TLK1: variants seen among roughly 807,000 people sequenced by gnomAD.
TLK1 encodes the protein serine/threonine-protein kinase tousled-like 1.
In TLK1, 24 loss-of-function variants were observed where a neutral mutation model predicts 105.3. The observed-to-expected ratio is 0.23, with a 90% confidence interval of 0.17 to 0.32. The LOEUF (loss-of-function observed/expected upper bound fraction) is 0.32. Ranked by LOEUF, TLK1 falls within the 10% of genes least tolerant of loss-of-function variation. TLK1 has a pLI of 1.00. For missense variants in TLK1, 558 were observed against 910.5 expected (o/e 0.61, Z 4.98); for synonymous variants, 321 against 310.4 (o/e 1.03, Z -0.36).
chr2:171,057,916 C>T (rs1436226015), intron 5 of TLK1, among the ~76,000 whole-genome samples: 1 of 151,916 alleles, frequency 6.6e-6, no homozygotes, highest in East Asian at 1.9e-4. Context: ...ATGTATTTTG[C>T]CTATCTTACA....
At chr2:171,165,158 A>C (rs933272390), upstream of TLK1, among the ~76,000 whole-genome samples, 1 of 152,366 alleles carries the variant, frequency 6.6e-6, no homozygotes, top group East Asian at 1.9e-4. Context: ...AGGGAAAGCC[A>C]GCTTGAGAAC....
intron 3 of TLK1, chr2:171,066,897 T>G (rs1688024223): frequency 1.3e-6 from 2 of 1,551,696 alleles, no homozygotes; most frequent in Admixed American, 2.0e-5. Context: ...GAACAACTGC[T>G]GAAGGGTGGG....
In TLK1 at chr2:171,223,027, C is replaced by A. The variant is rs1693836587; in HGVS notation, c.-6+8118G>T. ...ACGGAGTTTCACCATATTAGCCAGG[C>A]TCATTTCGAACTCCTGACCTCAAAT... On this transcript the variant is annotated intron_variant, in intron 1 of 20. Transcript: ENST00000521943. 2.6e-5 allele frequency among the ~76,000 whole-genome samples: 4 copies of A among 152,108 alleles called. 1 individual carries two copies. In the South Asian group the frequency reaches 8.3e-4, roughly 32 times the overall value.
intron 1 of TLK1, among the ~76,000 whole-genome samples, chr2:171,211,864 A>G (rs4668373): frequency 0.22 from 30,240 of 138,450 alleles, 3,232 homozygotes; most frequent in South Asian, 0.31. Context: ...TTTTTTTTTC[A>G]AGACAGAGTC....
At chr2:171,204,776 T>C (rs555609645) in intron 1 of TLK1, among the ~76,000 whole-genome samples, 4 of 152,006 alleles carry the variant, frequency 2.6e-5, no homozygotes, top group South Asian at 4.2e-4. Context: ...CTGGCTAACA[T>C]GGTGAAACCC....
intron 12 of TLK1, among the ~76,000 whole-genome samples, chr2:171,020,974 G>A (rs1388639726): frequency 6.6e-6 from 1 of 152,108 alleles, no homozygotes; most frequent in African/African-American, 2.4e-5. Flanking sequence ...TATCACCTCA[G>A]GTGTGTTCAA....
chr2:171,156,039 G>T (rs762950119), intron 1 of TLK1, among the ~76,000 whole-genome samples: 1 of 152,108 alleles, frequency 6.6e-6, no homozygotes, highest in Non-Finnish European at 1.5e-5. Flanking sequence ...AGGTCCTAGA[G>T]ACATTTTTGG....
intron 19 of TLK1, 37 bp downstream of exon 19, chr2:170,997,675 T>A (rs752449767): frequency 3.7e-6 from 5 of 1,345,256 alleles, no homozygotes; most frequent in South Asian, 3.2e-5. Flanking sequence ...ACTTAATTTA[T>A]CTCTGTAGAG....
At chr2:171,102,323 C>G (rs1410521160) in intron 2 of TLK1, among the ~76,000 whole-genome samples, 1 of 152,138 alleles carries the variant, frequency 6.6e-6, no homozygotes, top group Non-Finnish European at 1.5e-5. Context: ...TTTAATTCTT[C>G]AAATGGTTGC....
Position 171,146,842 on chromosome 2 carries a change from T to G in TLK1, c.139+13448A>C, listed in dbSNP as rs1257990763. ...ATTTCACAGCACTGGAAACAGTTGC[T>G]CAATGATCCACAAGAGAACAATGCT... On this transcript the variant is annotated intron_variant, in intron 1 of 20. Coordinates refer to ENST00000431350, the MANE Select transcript of TLK1 (RefSeq NM_012290.5). Among the ~76,000 whole-genome samples, 4 of 152,198 alleles carry G rather than the reference T, an allele frequency of 2.6e-5. No individual in the cohort carries two copies. The East Asian group carries it at 7.7e-4, about 29-fold the overall frequency.
At chr2:171,175,905 G>A (rs929020992) in intron 1 of TLK1, among the ~76,000 whole-genome samples, 2 of 151,792 alleles carry the variant, frequency 1.3e-5, no homozygotes, top group South Asian at 2.1e-4. Context: ...TGGGGCTGGA[G>A]TCAGGATATC....
intron 1 of TLK1, among the ~76,000 whole-genome samples, chr2:171,139,705 T>C (rs1691488067): frequency 6.6e-6 from 1 of 151,922 alleles, no homozygotes; most frequent in African/African-American, 2.4e-5. Context: ...GATGGCTAAC[T>C]GCTCCACAAG....
chr2:171,060,937 C>A, intron 4 of TLK1, 144 bp downstream of exon 4: 1 of 685,830 alleles, frequency 1.5e-6, no homozygotes, highest in South Asian at 2.5e-5. Context: ...AGCCTAAAAG[C>A]AATCATTATA....
intron 1 of TLK1, among the ~76,000 whole-genome samples, chr2:171,144,175 C>A (rs1158434940): frequency 4.6e-5 from 7 of 152,088 alleles, no homozygotes; most frequent in Non-Finnish European, 1.0e-4. Flanking sequence ...CCCCAAATTA[C>A]ATGAAGCAAA....
intron 1 of TLK1, among the ~76,000 whole-genome samples, chr2:171,122,475 A>T (rs1168077107): frequency 6.6e-6 from 1 of 152,186 alleles, no homozygotes; most frequent in Non-Finnish European, 1.5e-5. Flanking sequence ...CAGAATCTGC[A>T]TCTTAACAAG....
rs185056179 is a variant in TLK1, at chr2:171,187,135, T to C, written c.-6+44010A>G. Among the ~76,000 whole-genome samples the C allele has an allele frequency of 5.3e-4, 80 of 151,544 alleles. 1 individual carries two copies. The East Asian group carries it at 7.9e-3, about 15-fold the overall frequency. On this transcript the variant is annotated intron_variant, in intron 1 of 20. Coordinates refer to the TLK1 transcript ENST00000521943. ...TAAAGTCTTTAAATCCAGGCACTTC[T>C]TTTTATTTTTTTTGGTTGGTCCAGG... is the stretch of plus-strand genomic sequence containing the variant.
chr2:171,046,894 G>A (rs1686987203), intron 10 of TLK1, among the ~76,000 whole-genome samples: 1 of 152,020 alleles, frequency 6.6e-6, no homozygotes, highest in Non-Finnish European at 1.5e-5. Context: ...TTTACAAAAG[G>A]CAAATATGAA....
intron 18 of TLK1, among the ~76,000 whole-genome samples, chr2:170,999,392 A>G (rs544382478): frequency 2.0e-5 from 3 of 152,244 alleles, no homozygotes; most frequent in Non-Finnish European, 2.9e-5. Flanking sequence ...TATTTTGTCA[A>G]TAAAAGTGTG....
chr2:171,203,309 G>A (rs1420047266), intron 1 of TLK1, among the ~76,000 whole-genome samples: 5 of 151,908 alleles, frequency 3.3e-5, no homozygotes, highest in South Asian at 2.1e-4. Context: ...AATTCATCTC[G>A]TAAAACTAAA....
Sources: gnomAD v4.1 joint callset for allele counts (sites outside exome capture counted in the v4.1 genomes callset) on GRCh38, gnomAD v4.1.1 for gene constraint, MANE v1.5 for transcripts, NCBI Gene and HGNC (gene_info 2026-07-23, HGNC 2026-07-21) for gene names.